The following FHIT variants were observed in gnomAD, a reference collection of about 807,000 sequenced individuals.
FHIT encodes bis(5'-adenosyl)-triphosphatase.
Under a neutral mutation model 17.9 loss-of-function variants are expected in FHIT, and 19 were observed. That is an observed-to-expected ratio of 1.06 (90% CI 0.74 to 1.56). FHIT has a LOEUF of 1.56. Among genes scored for constraint, FHIT ranks in the 40% most tolerant of loss-of-function variants. The probability of loss-of-function intolerance (pLI) is 0.00; values close to 1 mark genes in which losing one functional copy is unlikely to be tolerated. For missense variants in FHIT, 248 were observed against 189.2 expected, an observed-to-expected ratio of 1.31 and a Z score of -1.82; for synonymous variants, 81 against 69.7, an observed-to-expected ratio of 1.16 and a Z score of -0.81.
At chr3:60,139,212 G>T (rs562965233) in intron 5 of FHIT, among the ~76,000 whole-genome samples, 2 of 152,170 alleles carry the variant, frequency 1.3e-5, no homozygotes, top group South Asian at 4.1e-4. Context: ...AGGAAGGCAC[G>T]TGATGAGGAG....
chr3:60,283,968 G>A (rs1009892848), intron 5 of FHIT, among the ~76,000 whole-genome samples: 2 of 151,932 alleles, frequency 1.3e-5, no homozygotes, highest in Non-Finnish European at 1.5e-5. Context: ...AATGGCAGGG[G>A]AATGCCATCC....
chr3:61,042,507 C>A (rs1203227235), intron 2 of FHIT, among the ~76,000 whole-genome samples: 4 of 152,070 alleles, frequency 2.6e-5, no homozygotes, highest in Non-Finnish European at 5.9e-5. Flanking sequence ...ATCACATATT[C>A]TCTCTAGTTC....
intron 8 of FHIT, among the ~76,000 whole-genome samples, chr3:59,780,264 A>C (rs1702517806): frequency 6.6e-6 from 1 of 152,220 alleles, no homozygotes. Context: ...AGCTCAGCTT[A>C]GGGTTTGATA....
chr3:60,281,033 A>AATTTTTCTTTTATCCTGAAAAAAACAGG (rs1559785665), intron 5 of FHIT, among the ~76,000 whole-genome samples: 1 of 152,242 alleles, frequency 6.6e-6, no homozygotes. Context: ...AACAGGATAA[A>AATTTTTCTTTTATCCTGAAAAAAACAGG]ATATTTCTTT....
At chr3:60,581,605 A>G (rs1394648447) in intron 4 of FHIT, among the ~76,000 whole-genome samples, 2 of 152,174 alleles carry the variant, frequency 1.3e-5, no homozygotes, top group Non-Finnish European at 2.9e-5. Flanking sequence ...TGAACTAAAC[A>G]CAAAGAACAG....
chr3:60,937,164 A>G (rs891315598), intron 3 of FHIT, among the ~76,000 whole-genome samples: 12 of 152,210 alleles, frequency 7.9e-5, no homozygotes, highest in African/African-American at 2.7e-4. Context: ...TCATCTGCTG[A>G]AAAGGGAAAA....
chr3:60,139,400 C>G (rs1174047046), intron 5 of FHIT, among the ~76,000 whole-genome samples: 1 of 200 alleles, frequency 5.0e-3, no homozygotes, highest in Non-Finnish European at 0.014. Context: ...GGTTTAGCAC[C>G]CACTAAGTGA....
At chr3:61,174,508 CAG>C (rs2038099415) in intron 2 of FHIT, among the ~76,000 whole-genome samples, 1 of 152,160 alleles carries the variant, frequency 6.6e-6, no homozygotes, top group Non-Finnish European at 1.5e-5. Flanking sequence ...TTGATCTATT[CAG>C]AGTTTACTCT....
chr3:60,062,823 G>A (rs1429991127), intron 5 of FHIT, among the ~76,000 whole-genome samples: 1 of 152,246 alleles, frequency 6.6e-6, no homozygotes, highest in East Asian at 1.9e-4. Flanking sequence ...GAATTTGCAG[G>A]AGAGTCATGT....
intron 8 of FHIT, among the ~76,000 whole-genome samples, chr3:59,833,492 G>T (rs1316105071): frequency 6.6e-6 from 1 of 152,124 alleles, no homozygotes; most frequent in African/African-American, 2.4e-5. Flanking sequence ...TCCTCTACAG[G>T]CTACAGAGAG....
At chr3:61,085,747 T>C (rs2035286044) in intron 2 of FHIT, among the ~76,000 whole-genome samples, 1 of 152,192 alleles carries the variant, frequency 6.6e-6, no homozygotes, top group Non-Finnish European at 1.5e-5. Context: ...AGAAGTTTTA[T>C]AGTTTTAAAG....
chr3:60,159,613 T>C (rs2107359367), intron 5 of FHIT, among the ~76,000 whole-genome samples: 1 of 152,334 alleles, frequency 6.6e-6, no homozygotes, highest in Middle Eastern at 3.4e-3. Flanking sequence ...CACTCAATGC[T>C]TTTTAGCACT....
chr3:59,903,793 G>A (rs1268567964), intron 8 of FHIT, among the ~76,000 whole-genome samples: 1 of 152,154 alleles, frequency 6.6e-6, no homozygotes, highest in Non-Finnish European at 1.5e-5. Context: ...GAGGCAATTC[G>A]ATTAAGCAAA....
intron 5 of FHIT, among the ~76,000 whole-genome samples, chr3:60,034,085 C>T (rs1315712004): frequency 1.3e-5 from 2 of 152,180 alleles, no homozygotes; most frequent in Non-Finnish European, 2.9e-5. Flanking sequence ...TAAGCACTTT[C>T]CATATAACCC....
chr3:60,678,726 A>C (rs1183968094), intron 4 of FHIT, among the ~76,000 whole-genome samples: 3 of 152,134 alleles, frequency 2.0e-5, no homozygotes, highest in Non-Finnish European at 4.4e-5. Flanking sequence ...CTCAGTTTCC[A>C]AGATTTACCA....
At chr3:59,902,188 G>A (rs1042986884) in intron 8 of FHIT, among the ~76,000 whole-genome samples, 1 of 151,748 alleles carries the variant, frequency 6.6e-6, no homozygotes, top group Non-Finnish European at 1.5e-5. Flanking sequence ...TAGCCAACAG[G>A]TTTATAAAAA....
chr3:60,031,426 C>G (rs760381082), intron 5 of FHIT, among the ~76,000 whole-genome samples: 2 of 152,200 alleles, frequency 1.3e-5, no homozygotes, highest in Non-Finnish European at 2.9e-5. Context: ...GGTGAACCAA[C>G]TAGTAAATGG....
chr3:60,724,650 T>G (rs1407162381), intron 4 of FHIT, among the ~76,000 whole-genome samples: 4 of 141,256 alleles, frequency 2.8e-5, no homozygotes, highest in African/African-American at 1.1e-4. Context: ...ACTGTCTGTT[T>G]TTTTTTTTTG....
At chr3:59,931,951 T>C (rs1705992784) in intron 7 of FHIT, among the ~76,000 whole-genome samples, 1 of 148,556 alleles carries the variant, frequency 6.7e-6, no homozygotes, top group Non-Finnish European at 1.5e-5. Context: ...TTTCAAATTT[T>C]CAAAAATTAA....
Sources: allele counts gnomAD v4.1 joint callset (sites outside exome capture counted in the v4.1 genomes callset), GRCh38; gene constraint gnomAD v4.1.1; transcripts MANE v1.5; gene names NCBI Gene and HGNC (gene_info 2026-07-23, HGNC 2026-07-21).